Variants in CEP63 observed in about 807,000 individuals in gnomAD.
The protein encoded by CEP63 is centrosomal protein 63.
CEP63 carries 84 observed loss-of-function variants against 89.1 expected under a neutral mutation model. The observed-to-expected ratio is 0.94, with a 90% CI of 0.79 to 1.13. The LOEUF is 1.13. Among genes scored for constraint, CEP63 ranks in the 50% most tolerant of loss-of-function variants. The probability of loss-of-function intolerance (pLI) is 0.00; values close to 1 mark genes in which losing one functional copy is unlikely to be tolerated. For missense variants in CEP63, 838 were observed against 813.3 expected, an observed-to-expected ratio of 1.03 and a Z score of -0.37; for synonymous variants, 267 against 272.5, an observed-to-expected ratio of 0.98 and a Z score of 0.20.
At chr3:134,689,852 A>G in the CEP63 span, among the ~76,000 whole-genome samples, 1 of 152,244 alleles carries the variant, frequency 6.6e-6, no homozygotes, top group South Asian at 2.1e-4. Flanking sequence ...AGAATCCAAA[A>G]TCATGTGTAA....
At chr3:134,532,997 C>T (rs954203841) in intron 5 of CEP63, 97 bp downstream of exon 5, 3 of 1,305,110 alleles carry the variant, frequency 2.3e-6, no homozygotes, top group Non-Finnish European at 3.3e-6. Flanking sequence ...CAATTTTCTA[C>T]TATCTTAAGG....
chr3:134,580,118 C>T (rs1958309593), intron 10 of CEP63, among the ~76,000 whole-genome samples: 1 of 151,348 alleles, frequency 6.6e-6, no homozygotes, highest in South Asian at 2.1e-4. Flanking sequence ...TCGCTTTAAC[C>T]TGAGAGGCAG....
the CEP63 span, among the ~76,000 whole-genome samples, chr3:134,616,841 C>CA: frequency 6.6e-6 from 1 of 152,142 alleles, no homozygotes; most frequent in Non-Finnish European, 1.5e-5. Flanking sequence ...CAAGATAGGT[C>CA]AAAAAACACC....
the CEP63 span, chr3:134,608,695 G>T: frequency 6.2e-7 from 1 of 1,614,060 alleles, no homozygotes; most frequent in Non-Finnish European, 8.5e-7. Flanking sequence ...GCATCCCTTT[G>T]TTGTAGAATT....
Position 134,562,119 on chromosome 3 carries a change from G to T in CEP63, c.*584G>T, listed in dbSNP as rs954818255. The T allele has an allele frequency of 1.0e-6, 1 of 989,410 alleles. No homozygotes were observed. The highest frequency in any genetic ancestry group is 1.2e-6 in the Non-Finnish European group (1 of 832,496). The allele number at this position is 989,410 out of a possible 1,614,324, so 61.3% of individuals were successfully genotyped here. A position where few individuals can be genotyped will look rare whatever the true frequency, so the allele number is the denominator to read the frequency against. On this transcript the variant is annotated 3_prime_UTR_variant, in exon 15 of 15. Coordinates refer to ENST00000675561, the MANE Select transcript of CEP63 (RefSeq NM_001353108.3). ...CAGTCCTCTCTTGCTCAACACTCAT[G>T]CAGAGGAGAGAGGCAGGGAGGGCAA...
chr3:134,501,326 G>T (rs1283490092), intron 2 of CEP63, among the ~76,000 whole-genome samples: 1 of 152,060 alleles, frequency 6.6e-6, no homozygotes, highest in Non-Finnish European at 1.5e-5. Context: ...CTCTTTTTTG[G>T]TTCCATATGA....
At chr3:134,611,532 T>G in the CEP63 span, among the ~76,000 whole-genome samples, 95,465 of 152,162 alleles carry the variant, frequency 0.63, 30,420 homozygotes, top group East Asian at 0.87. Context: ...TAGAAAAGGT[T>G]CCCCTTCCTC....
the CEP63 span, among the ~76,000 whole-genome samples, chr3:134,644,294 T>A: frequency 6.6e-6 from 1 of 152,268 alleles, no homozygotes; most frequent in South Asian, 2.1e-4. Flanking sequence ...GGACACAGAG[T>A]TGTCCTCAGA....
the CEP63 span, among the ~76,000 whole-genome samples, chr3:134,636,629 C>T: frequency 6.6e-6 from 1 of 152,194 alleles, no homozygotes; most frequent in African/African-American, 2.4e-5. Context: ...CCACCCAAGA[C>T]CCAAGATCAG....
intron 11 of CEP63, among the ~76,000 whole-genome samples, chr3:134,571,342 GT>G (rs1958000833): frequency 6.6e-6 from 1 of 152,182 alleles, no homozygotes; most frequent in Non-Finnish European, 1.5e-5. Flanking sequence ...CTCTGGCAGA[GT>G]TGAGGAGCCT....
At chr3:134,549,248 A>C (rs1313038621) in intron 10 of CEP63, 72 bp downstream of exon 10, 78 of 935,494 alleles carry the variant, frequency 8.3e-5, no homozygotes, top group Non-Finnish European at 1.2e-4. Flanking sequence ...GGGAGATTAT[A>C]GGGGTTATTT....
intron 6 of CEP63, among the ~76,000 whole-genome samples, chr3:134,538,068 A>G (rs1577177159): frequency 6.6e-6 from 1 of 152,154 alleles, no homozygotes; most frequent in Admixed American, 6.6e-5. Flanking sequence ...GTTATGTGCT[A>G]GACATTGACC....
the CEP63 span, among the ~76,000 whole-genome samples, chr3:134,641,748 T>C: frequency 5.9e-5 from 9 of 152,106 alleles, no homozygotes; most frequent in Non-Finnish European, 1.3e-4. Context: ...CACACACCCC[T>C]TATCATCCTT....
the CEP63 span, among the ~76,000 whole-genome samples, chr3:134,740,273 T>C: frequency 4.9e-5 from 7 of 141,756 alleles, no homozygotes; most frequent in African/African-American, 1.6e-4. Flanking sequence ...TTCTTTTATT[T>C]ATTTATTTAT....
At chr3:134,487,989 T>G (rs975028364) in intron 1 of CEP63, 2 of 152,212 alleles carry the variant, frequency 1.3e-5, no homozygotes, top group Non-Finnish European at 2.9e-5. Flanking sequence ...TTAACATGTA[T>G]CTCTGTTGCC....
chr3:134,716,897 G>A, the CEP63 span, among the ~76,000 whole-genome samples: 3 of 152,184 alleles, frequency 2.0e-5, no homozygotes, highest in Admixed American at 6.5e-5. Context: ...CAAAAGGACG[G>A]ATGCACATGA....
chr3:134,763,240 C>T, the CEP63 span, among the ~76,000 whole-genome samples: 12 of 152,082 alleles, frequency 7.9e-5, no homozygotes, highest in Non-Finnish European at 1.6e-4. Flanking sequence ...CTCCCTCCAC[C>T]CCACAACAGG....
the CEP63 span, among the ~76,000 whole-genome samples, chr3:134,656,325 C>T: frequency 8.5e-5 from 13 of 152,188 alleles, no homozygotes; most frequent in Middle Eastern, 3.4e-3. Flanking sequence ...GAGAAAAACG[C>T]GTGTCTCAGG....
At chr3:134,670,167 A>T in the CEP63 span, among the ~76,000 whole-genome samples, 1 of 152,214 alleles carries the variant, frequency 6.6e-6, no homozygotes, top group African/African-American at 2.4e-5. Context: ...ATAATAATTT[A>T]CTATAGCAGC....
Sources: allele counts gnomAD v4.1 joint callset (sites outside exome capture counted in the v4.1 genomes callset), GRCh38; gene constraint gnomAD v4.1.1; transcripts MANE v1.5; gene names NCBI Gene and HGNC (gene_info 2026-07-23, HGNC 2026-07-21).